PI15: variants seen among roughly 807,000 people sequenced by gnomAD.
PI15 encodes peptidase inhibitor 15.
PI15 carries 18 observed loss-of-function variants against 31.0 expected under a neutral mutation model. The observed-to-expected ratio is 0.58, with a 90% confidence interval of 0.40 to 0.86. The LOEUF is 0.86. PI15 is among the 40% of genes least tolerant of loss of function. PI15 has a pLI of 0.00. For missense variants in PI15, 282 were observed against 328.1 expected (o/e 0.86, Z 1.09); for synonymous variants, 118 against 119.1 (o/e 0.99, Z 0.06).
At chr8:74,838,282 T>A (rs910299284) in intron 2 of PI15, among the ~76,000 whole-genome samples, 1 of 152,090 alleles carries the variant, frequency 6.6e-6, no homozygotes, top group East Asian at 1.9e-4. Flanking sequence ...TATATGCATA[T>A]ATATTTTAAA....
intron 2 of PI15, among the ~76,000 whole-genome samples, chr8:74,839,847 C>A (rs1810920099): frequency 6.6e-6 from 1 of 152,116 alleles, no homozygotes; most frequent in African/African-American, 2.4e-5. Context: ...ATAAATGCTA[C>A]AAACACTCAG....
chr8:74,836,414 C>A (rs1243775135), intron 2 of PI15, among the ~76,000 whole-genome samples: 3 of 152,032 alleles, frequency 2.0e-5, no homozygotes, highest in Non-Finnish European at 2.9e-5. Context: ...TGGAAAAGTA[C>A]GCAGTTGAAT....
At position 74,851,651 on chromosome 8, in the gene PI15, G is replaced by C. The variant is rs142930411; in HGVS notation, c.*2398G>C. ...AAATGGTGGCTGTAACATAATAAAT[G>C]TTTAATAAATGCTTATATGAATGGA... is the stretch of plus-strand genomic sequence containing the variant. On this transcript the variant is annotated 3_prime_UTR_variant, in exon 6 of 6. Transcript: ENST00000260113. The C allele has an allele frequency of 6.6e-6, 1 of 151,996 alleles. No individual in the cohort carries two copies. The highest frequency in any genetic ancestry group is 2.4e-5 in the African/African-American group (1 of 41,418). 9.4% of individuals were successfully genotyped at this position (151,996 alleles called of 1,614,324 possible).
intron 2 of PI15, 85 bp from the exon 3 acceptor site, chr8:74,843,896 G>A: frequency 1.3e-6 from 1 of 781,628 alleles, no homozygotes; most frequent in South Asian, 1.4e-5. Context: ...AATAACTCTA[G>A]GAAATAGTAG....
At chr8:74,840,682 C>T (rs146849513) in intron 2 of PI15, among the ~76,000 whole-genome samples, 1 of 152,318 alleles carries the variant, frequency 6.6e-6, no homozygotes, top group East Asian at 1.9e-4. Flanking sequence ...GGCCCTCTGA[C>T]TTCCGCTGCA....
At position 74,849,200 on chromosome 8, in the gene PI15, GAC is replaced by G. The variant is rs1811070016; in HGVS notation, c.726_727del (p.Asp242GlufsTer16). The G allele has an allele frequency of 6.2e-7, 1 of 1,612,590 alleles. No homozygotes were observed. The highest frequency in any genetic ancestry group is 1.3e-5 in the African/African-American group (1 of 74,834). On this transcript the variant is annotated frameshift_variant, in exon 6 of 6. Coordinates refer to ENST00000260113, the MANE Select transcript of PI15 (RefSeq NM_015886.5). LOFTEE classifies it high-confidence loss of function. ...TCCAAGTTATGGGGGATCTTGTACT[GAC>G]AATCTGTGTTTTCCAGGAGTTACGT... Reference protein sequence around the residue: ...CPPSYGGSCTDNLCFPGVTSN... With the variant: ...CPPSYGGSCTXNLCFPGVTSN...
At chr8:74,832,110 C>A (rs1005769426) in intron 2 of PI15, among the ~76,000 whole-genome samples, 4 of 152,068 alleles carry the variant, frequency 2.6e-5, no homozygotes, top group Non-Finnish European at 5.9e-5. Flanking sequence ...TATAAAAAAA[C>A]CATAAATTAG....
chr8:74,825,181 G>T, intron 1 of PI15, 29 bp from the exon 2 acceptor site: 1 of 1,362,000 alleles, frequency 7.3e-7, no homozygotes, highest in Non-Finnish European at 1.0e-6. Flanking sequence ...TTTTTTCATA[G>T]ACCCTAACTC....
At chr8:74,833,706 T>A (rs78913028) in intron 2 of PI15, among the ~76,000 whole-genome samples, 4 of 152,112 alleles carry the variant, frequency 2.6e-5, no homozygotes, top group African/African-American at 9.7e-5. Context: ...TTTTGAGAGA[T>A]GAGATAATTT....
At chr8:74,840,912 T>C (rs1002885521) in intron 2 of PI15, among the ~76,000 whole-genome samples, 37 of 152,300 alleles carry the variant, frequency 2.4e-4, no homozygotes, top group African/African-American at 8.7e-4. Flanking sequence ...AGCATGGACA[T>C]CGGTGAACAC....
chr8:74,838,493 G>C (rs753247683), intron 2 of PI15, among the ~76,000 whole-genome samples: 2 of 151,974 alleles, frequency 1.3e-5, no homozygotes, highest in Admixed American at 6.6e-5. Flanking sequence ...TGCGAGGTTT[G>C]GGGTATAATT....
chr8:74,837,909 T>C (rs182706618), intron 2 of PI15, among the ~76,000 whole-genome samples: 6 of 152,292 alleles, frequency 3.9e-5, no homozygotes, highest in African/African-American at 9.6e-5. Context: ...ATGTGTAGAA[T>C]AGACTTCTCA....
chr8:74,851,153 TA>T lies in PI15; in HGVS notation c.*1901del, dbSNP rs1563571907. 1.3e-5 allele frequency: 2 copies of T among 152,512 alleles called. No homozygotes were observed. The highest frequency in any genetic ancestry group is 4.8e-5 in the African/African-American group (2 of 41,456). 9.4% of individuals were successfully genotyped at this position (152,512 alleles called of 1,614,324 possible). ...TACTCTGCCTTTGTGGGCACATATG[TA>T]GACACTACTAAAAATAAATATTTTT... On this transcript the variant is annotated 3_prime_UTR_variant, in exon 6 of 6. Coordinates refer to ENST00000260113, the MANE Select transcript of PI15 (RefSeq NM_015886.5).
intron 2 of PI15, among the ~76,000 whole-genome samples, chr8:74,840,369 C>A (rs1810928678): frequency 6.6e-6 from 1 of 152,132 alleles, no homozygotes; most frequent in African/African-American, 2.4e-5. Context: ...TAATCAACTT[C>A]TCTTCATATA....
intron 2 of PI15, among the ~76,000 whole-genome samples, chr8:74,828,292 A>G (rs888168837): frequency 6.6e-6 from 1 of 152,148 alleles, no homozygotes; most frequent in African/African-American, 2.4e-5. Flanking sequence ...AGGTGAAGGA[A>G]GAGTGAGGAG....
chr8:74,826,628 G>A (rs2128763157), intron 2 of PI15, among the ~76,000 whole-genome samples: 1 of 151,962 alleles, frequency 6.6e-6, no homozygotes, highest in South Asian at 2.1e-4. Flanking sequence ...GGTGTGTGAG[G>A]AGCAGTATAG....
In PI15 at chr8:74,851,307, T is replaced by G. The variant is rs1811101113; in HGVS notation, c.*2054T>G. 1 of 152,098 alleles carries G rather than the reference T, an allele frequency of 6.6e-6. No individual in the cohort carries two copies. The highest frequency in any genetic ancestry group is 6.6e-5 in the Admixed American group (1 of 15,254). The allele number at this position is 152,098 out of a possible 1,614,324, so 9.4% of individuals were successfully genotyped here. On this transcript the variant is annotated 3_prime_UTR_variant, in exon 6 of 6. Coordinates refer to ENST00000260113, the MANE Select transcript of PI15 (RefSeq NM_015886.5). The stretch of plus-strand genomic sequence containing the variant: ...ATTGGCTTGATTTATCTAGAAAGTT[T>G]TTCCTTCTTCAATTTTACTATATTC...
intron 2 of PI15, among the ~76,000 whole-genome samples, chr8:74,828,874 A>T (rs112040232): frequency 3.3e-5 from 5 of 151,966 alleles, no homozygotes; most frequent in African/African-American, 1.2e-4. Flanking sequence ...TCTCTTCCTT[A>T]GTTTGTTTAT....
chr8:74,851,562 A>AT lies in PI15; in HGVS notation c.*2314dup. The AT allele has an allele frequency of 6.6e-6, 1 of 151,970 alleles. No individual in the cohort carries two copies. Among genetic ancestry groups the AT allele is most frequent in the South Asian group, 2.1e-4 (1 of 4,818 alleles). The allele number at this position is 151,970 out of a possible 1,614,324, so 9.4% of individuals were successfully genotyped here. On this transcript the variant is annotated 3_prime_UTR_variant, in exon 6 of 6. Coordinates refer to ENST00000260113, the MANE Select transcript of PI15 (RefSeq NM_015886.5). ...AAACACTTATTTGAGATTAAATTAA[A>AT]TTTTTCATGAGCCCCTCTTTGGCAG...
Sources: allele counts gnomAD v4.1 joint callset (sites outside exome capture counted in the v4.1 genomes callset), GRCh38; gene constraint gnomAD v4.1.1; transcripts MANE v1.5; gene names NCBI Gene and HGNC (gene_info 2026-07-23, HGNC 2026-07-21).